CARM1: variants seen among roughly 807,000 people sequenced by gnomAD.
CARM1 encodes the protein histone-arginine methyltransferase CARM1.
Under a neutral mutation model 72.7 loss-of-function variants are expected in CARM1, and 14 were observed. The ratio of observed to expected loss-of-function variants is 0.19; its 90% CI spans 0.13 to 0.30. CARM1 has a LOEUF of 0.30. Ranked by LOEUF, CARM1 falls within the 10% of genes least tolerant of loss-of-function variation. The probability of loss-of-function intolerance (pLI) is 1.00; values close to 1 mark genes in which losing one functional copy is unlikely to be tolerated. For synonymous variants in CARM1, 333 were observed against 345.5 expected, an observed-to-expected ratio of 0.96 and a Z score of 0.40; for missense variants, 432 against 833.7, an observed-to-expected ratio of 0.52 and a Z score of 5.93.
At chr19:10,884,870 A>C (rs1218455430) in intron 1 of CARM1, among the ~76,000 whole-genome samples, 1 of 151,848 alleles carries the variant, frequency 6.6e-6, no homozygotes. Flanking sequence ...ACGCCTGCCT[A>C]ATTTTTGGAT....
At chr19:10,893,160 C>T (rs2074000214) in intron 1 of CARM1, among the ~76,000 whole-genome samples, 2 of 151,960 alleles carry the variant, frequency 1.3e-5, no homozygotes, top group African/African-American at 2.4e-5. Flanking sequence ...GCCTTAGCCT[C>T]CCGAGTTGCT....
chr19:10,919,845 T>C (rs1431281267), intron 9 of CARM1, 32 bp from the exon 10 acceptor site: 3 of 1,582,204 alleles, frequency 1.9e-6, no homozygotes, highest in African/African-American at 1.3e-5. Context: ...CCTGTCTGGC[T>C]TCCCCAGCAG....
chr19:10,873,978 G>C (rs1162134452), intron 1 of CARM1, among the ~76,000 whole-genome samples: 2 of 152,138 alleles, frequency 1.3e-5, no homozygotes, highest in African/African-American at 4.8e-5. Context: ...GCAACATAGT[G>C]AGATGTTCCT....
At chr19:10,891,907 A>G (rs1028292902) in intron 1 of CARM1, among the ~76,000 whole-genome samples, 7 of 152,170 alleles carry the variant, frequency 4.6e-5, no homozygotes, top group Admixed American at 2.0e-4. Flanking sequence ...ATGGCAAAGG[A>G]GGGTGCGGAT....
Position 10,922,006 on chromosome 19 carries a change from C to T in CARM1, c.*249C>T. 1 of 410,642 alleles carries T rather than the reference C, an allele frequency of 2.4e-6. No individual in the cohort carries two copies. The highest frequency in any genetic ancestry group is 4.4e-6 in the Non-Finnish European group (1 of 226,684). 25.4% of individuals were successfully genotyped at this position (410,642 alleles called of 1,614,324 possible). On this transcript the variant is annotated 3_prime_UTR_variant, in exon 16 of 16. Coordinates refer to ENST00000327064, the MANE Select transcript of CARM1 (RefSeq NM_199141.2). ...ATCATGTTGTGGGAGCCCTCGTCCCCCCTCCTGCCCGCTCTACCCTGACCT... is the reference window on the plus strand; with the variant it reads ...ATCATGTTGTGGGAGCCCTCGTCCCTCCTCCTGCCCGCTCTACCCTGACCT...
At chr19:10,883,344 C>T (rs2073916085) in intron 1 of CARM1, among the ~76,000 whole-genome samples, 1 of 152,096 alleles carries the variant, frequency 6.6e-6, no homozygotes. Flanking sequence ...CCCAAGACCC[C>T]CTCGTCCCCA....
rs578206419 is a variant in CARM1 at position 10,912,591 on chromosome 19, G to A, written c.669+297G>A. 2.6e-5 allele frequency among the ~76,000 whole-genome samples: 4 copies of A among 151,344 alleles called. No individual in the cohort carries two copies. Among genetic ancestry groups the A allele is most frequent in the South Asian group, 2.1e-4 (1 of 4,798 alleles). ...TAAAAGCTAAAAAAGAGCAGACAGCGTGCTCTCCTTCCCCACCCCAGCTCC... is the reference window on the plus strand; with the variant it reads ...TAAAAGCTAAAAAAGAGCAGACAGCATGCTCTCCTTCCCCACCCCAGCTCC... On this transcript the variant is annotated intron_variant, in intron 5 of 15. Coordinates refer to ENST00000327064, the MANE Select transcript of CARM1 (RefSeq NM_199141.2). The surrounding 1 kb of genome is among the most constrained non-coding windows in gnomAD (Gnocchi z 4.5).
At chr19:10,909,233 C>T (rs754237810) in intron 4 of CARM1, 26 bp downstream of exon 4, 1 of 1,412,298 alleles carries the variant, frequency 7.1e-7, no homozygotes, top group Admixed American at 1.8e-5. Flanking sequence ...ATGTGCCCAC[C>T]TCTCTGCTTC....
At chr19:10,890,693 A>G (rs2073978163) in intron 1 of CARM1, among the ~76,000 whole-genome samples, 1 of 149,312 alleles carries the variant, frequency 6.7e-6, no homozygotes, top group African/African-American at 2.5e-5. Context: ...ATATACACAC[A>G]TATATACACA....
At chr19:10,911,877 C>G (rs573004482) in intron 4 of CARM1, among the ~76,000 whole-genome samples, 1 of 152,212 alleles carries the variant, frequency 6.6e-6, no homozygotes, top group Admixed American at 6.5e-5. Context: ...GCGGAGGCCC[C>G]GGAAAAATGC....
chr19:10,921,491 T>A (rs910416022), intron 15 of CARM1, 48 bp downstream of exon 15: 1 of 1,577,050 alleles, frequency 6.3e-7, no homozygotes, highest in African/African-American at 1.4e-5. Context: ...AGCTAGCGTG[T>A]GAGTCGCCAT....
intron 1 of CARM1, among the ~76,000 whole-genome samples, chr19:10,890,787 ATATATATATTTTTTTT>A (rs1259982007): frequency 3.2e-5 from 3 of 94,126 alleles, no homozygotes; most frequent in African/African-American, 1.6e-4. Flanking sequence ...ATATATATAT[ATATATATATTTTTTTT>A]TTTTTTTTTT....
chr19:10,920,831 T>C lies in CARM1; in HGVS notation c.1425-3T>C. 2 of 1,614,050 alleles carry C rather than the reference T, an allele frequency of 1.2e-6. No homozygotes were observed. The highest frequency in any genetic ancestry group is 1.1e-5 in the South Asian group (1 of 91,088). On this transcript the variant is annotated splice_polypyrimidine_tract_variant and splice_region_variant and intron_variant, in intron 12 of 15. Transcript: ENST00000327064. The surrounding 1 kb of genome is among the most constrained non-coding windows in gnomAD (Gnocchi z 5.3). Reference sequence around the variant, plus strand: ...CCTGCCCATGGCTCTGTCTCTGCCATAGATACACGGGCACAACGCCCTCAC... The same window carrying C: ...CCTGCCCATGGCTCTGTCTCTGCCACAGATACACGGGCACAACGCCCTCAC...
intron 4 of CARM1, among the ~76,000 whole-genome samples, chr19:10,909,506 CGGG>C (rs1935093948): frequency 6.6e-6 from 1 of 151,894 alleles, no homozygotes; most frequent in Non-Finnish European, 1.5e-5. Flanking sequence ...GACGCCCAGG[CGGG>C]CGGGTCACAA....
chr19:10,882,701 C>T (rs997171762), intron 1 of CARM1, among the ~76,000 whole-genome samples: 1 of 151,834 alleles, frequency 6.6e-6, no homozygotes, highest in Non-Finnish European at 1.5e-5. Context: ...GACACCATGC[C>T]CGGCTAATTT....
intron 4 of CARM1, among the ~76,000 whole-genome samples, chr19:10,911,722 G>T (rs935284284): frequency 1.1e-4 from 16 of 152,242 alleles, no homozygotes; most frequent in African/African-American, 3.6e-4. Context: ...CGGGCCAGTA[G>T]CCCTGCGGGG....
chr19:10,880,725 GAC>G (rs2073896529), intron 1 of CARM1, among the ~76,000 whole-genome samples: 1 of 152,168 alleles, frequency 6.6e-6, no homozygotes, highest in African/African-American at 2.4e-5. Context: ...CTCACAATTG[GAC>G]ACAGTTTTGC....
At position 10,896,499 on chromosome 19, in the gene CARM1, C is replaced by T. The variant is rs548068325; in HGVS notation, c.221-8452C>T. ...TTGGCTCCTTCCCTATCCTGTGTGACGGTGGGTCTCTCCCCACCCTGCGCA... is the reference window on the plus strand; with the variant it reads ...TTGGCTCCTTCCCTATCCTGTGTGATGGTGGGTCTCTCCCCACCCTGCGCA... On this transcript the variant is annotated intron_variant, in intron 1 of 15. Coordinates refer to ENST00000327064, the MANE Select transcript of CARM1 (RefSeq NM_199141.2). This position sits in a 1 kb window ranked among gnomAD's most constrained non-coding sequence, Gnocchi z 5.2. Among the ~76,000 whole-genome samples, 197 of 152,120 alleles carry T rather than the reference C, an allele frequency of 1.3e-3. No individual in the cohort carries two copies. The highest frequency in any genetic ancestry group is 4.3e-3 in the African/African-American group (180 of 41,480).
At chr19:10,898,552 C>A (rs1475555842) in intron 1 of CARM1, among the ~76,000 whole-genome samples, 1 of 152,244 alleles carries the variant, frequency 6.6e-6, no homozygotes, top group East Asian at 1.9e-4. Flanking sequence ...GTCCTGCCCC[C>A]TTCCGCGGCT....
Sources: gnomAD v4.1 joint callset for allele counts (sites outside exome capture counted in the v4.1 genomes callset) on GRCh38, gnomAD v4.1.1 for gene constraint, Gnocchi (gnomAD v3.1) non-coding constraint, MANE v1.5 for transcripts, NCBI Gene and HGNC (gene_info 2026-07-23, HGNC 2026-07-21) for gene names.